Variants in SLC35D4 observed in about 807,000 individuals in gnomAD.
The protein encoded by SLC35D4 is UDP-N-acetylglucosamine transporter SLC35D4.
chr18:23,285,922 C>A, the SLC35D4 span, among the ~76,000 whole-genome samples: 3 of 151,970 alleles, frequency 2.0e-5, no homozygotes, highest in Non-Finnish European at 4.4e-5. Flanking sequence ...AATCAGACGG[C>A]GTTTAGGCTC....
At chr18:23,265,040 A>G in the SLC35D4 span, among the ~76,000 whole-genome samples, 20 of 152,028 alleles carry the variant, frequency 1.3e-4, no homozygotes, top group African/African-American at 4.8e-4. Context: ...TGACCCAAAC[A>G]TCTCCCACCA....
the SLC35D4 span, among the ~76,000 whole-genome samples, chr18:23,303,696 T>C: frequency 1.5e-3 from 228 of 150,824 alleles, 1 homozygote; most frequent in Non-Finnish European, 1.9e-3. Context: ...AGGCCAGGAG[T>C]TCGAGACCAG....
chr18:23,286,568 C>T, the SLC35D4 span, among the ~76,000 whole-genome samples: 2 of 151,978 alleles, frequency 1.3e-5, no homozygotes, highest in African/African-American at 2.4e-5. Context: ...TAGACCATCA[C>T]GGATGCCGAG....
chr18:23,411,382 A>G, the SLC35D4 span, among the ~76,000 whole-genome samples: 19 of 149,854 alleles, frequency 1.3e-4, no homozygotes, highest in African/African-American at 4.7e-4. Flanking sequence ...GAGAAGGGAG[A>G]GAGAAGGGAA....
chr18:23,239,651 T>C, the SLC35D4 span, among the ~76,000 whole-genome samples: 13 of 152,214 alleles, frequency 8.5e-5, no homozygotes, highest in Non-Finnish European at 1.5e-4. Context: ...AATTCGCCTG[T>C]TGAACCAAGT....
At chr18:23,290,396 T>C in the SLC35D4 span, among the ~76,000 whole-genome samples, 1 of 152,332 alleles carries the variant, frequency 6.6e-6, no homozygotes, top group East Asian at 1.9e-4. Flanking sequence ...TTTGCCCGTG[T>C]GTCCCCTAAA....
the SLC35D4 span, among the ~76,000 whole-genome samples, chr18:23,321,854 T>C: frequency 6.6e-6 from 1 of 152,246 alleles, no homozygotes; most frequent in Non-Finnish European, 1.5e-5. Context: ...GTCTAGGTTT[T>C]TGTATACCCC....
the SLC35D4 span, among the ~76,000 whole-genome samples, chr18:23,340,078 G>A: frequency 7.9e-5 from 12 of 152,166 alleles, no homozygotes; most frequent in Admixed American, 4.6e-4. Flanking sequence ...TAGAGCCTCC[G>A]TGCATGCCTC....
At chr18:23,268,052 T>C in the SLC35D4 span, among the ~76,000 whole-genome samples, 1 of 152,226 alleles carries the variant, frequency 6.6e-6, no homozygotes, top group Non-Finnish European at 1.5e-5. Flanking sequence ...CTGCAGCCAT[T>C]TGGCCTCACC....
chr18:23,270,044 G>A, the SLC35D4 span, among the ~76,000 whole-genome samples: 53 of 152,310 alleles, frequency 3.5e-4, no homozygotes, highest in Middle Eastern at 3.4e-3. Context: ...TGAGGAAAAA[G>A]TCTCCTGGGC....
At chr18:23,264,217 C>T in the SLC35D4 span, among the ~76,000 whole-genome samples, 1 of 152,144 alleles carries the variant, frequency 6.6e-6, no homozygotes, top group Non-Finnish European at 1.5e-5. Flanking sequence ...CCTGCTGGTT[C>T]TGCAGGTGCC....
chr18:23,323,256 A>G, the SLC35D4 span, among the ~76,000 whole-genome samples: 2 of 152,250 alleles, frequency 1.3e-5, no homozygotes, highest in African/African-American at 2.4e-5. Flanking sequence ...TGGTATAACA[A>G]TAACTTCAAT....
the SLC35D4 span, among the ~76,000 whole-genome samples, chr18:23,305,564 T>C: frequency 1.3e-5 from 2 of 152,212 alleles, no homozygotes; most frequent in Non-Finnish European, 2.9e-5. Context: ...ATAATATTAA[T>C]GTAAGAAATG....
the SLC35D4 span, among the ~76,000 whole-genome samples, chr18:23,397,992 G>T: frequency 6.6e-6 from 1 of 152,150 alleles, no homozygotes; most frequent in Admixed American, 6.5e-5. Flanking sequence ...AGCCCAGAAG[G>T]TCGAGGCTCC....
At chr18:23,368,793 A>T in the SLC35D4 span, 1 of 1,303,714 alleles carries the variant, frequency 7.7e-7, no homozygotes, top group Non-Finnish European at 1.1e-6. Context: ...AAGTAGCAGA[A>T]CTATTTTAAA....
the SLC35D4 span, among the ~76,000 whole-genome samples, chr18:23,353,688 G>A: frequency 1.3e-5 from 2 of 152,158 alleles, no homozygotes; most frequent in East Asian, 3.8e-4. Flanking sequence ...AACAGCTATG[G>A]ATTAAGATGT....
the SLC35D4 span, chr18:23,309,801 A>C: frequency 6.5e-7 from 1 of 1,538,072 alleles, no homozygotes; most frequent in Non-Finnish European, 9.0e-7. Flanking sequence ...GGAAACCTCC[A>C]ATGTCATTTT....
At chr18:23,431,825 T>C in the SLC35D4 span, among the ~76,000 whole-genome samples, 2 of 152,378 alleles carry the variant, frequency 1.3e-5, no homozygotes, top group Admixed American at 6.5e-5. Flanking sequence ...TTTCCTATTA[T>C]TGACCAAGTA....
chr18:23,310,818 A>G, the SLC35D4 span, among the ~76,000 whole-genome samples: 2 of 152,138 alleles, frequency 1.3e-5, no homozygotes, highest in Non-Finnish European at 2.9e-5. Context: ...GGATATAAAC[A>G]TGGTGAGATT....
Sources: gnomAD v4.1 joint callset for allele counts (sites outside exome capture counted in the v4.1 genomes callset) on GRCh38, gnomAD v4.1.1 for gene constraint, MANE v1.5 for transcripts, NCBI Gene and HGNC (gene_info 2026-07-23, HGNC 2026-07-21) for gene names.